Variants in TEX2 observed in about 807,000 individuals in gnomAD.
TEX2 encodes the protein testis expressed 2.
Under a neutral mutation model 106.9 loss-of-function variants are expected in TEX2, and 53 were observed. The ratio of observed to expected loss-of-function variants is 0.50; its 90% CI spans 0.40 to 0.62. The LOEUF (loss-of-function observed/expected upper bound fraction) is 0.62, where lower values mean the gene tolerates loss of function less well. Ranked by LOEUF, TEX2 falls within the 20% of genes least tolerant of loss-of-function variation. TEX2 has a pLI of 0.00. For synonymous variants in TEX2, 523 were observed against 534.8 expected (o/e 0.98, Z 0.30); for missense variants, 1,207 against 1,379.0 (o/e 0.88, Z 1.98).
chr17:64,192,411 G>C (rs1446798338), intron 4 of TEX2, among the ~76,000 whole-genome samples: 1 of 152,194 alleles, frequency 6.6e-6, no homozygotes, highest in Non-Finnish European at 1.5e-5. Context: ...TGCGGCTGCG[G>C]GCCAAGTATT....
chr17:64,218,455 G>A (rs1471914108), intron 1 of TEX2, among the ~76,000 whole-genome samples: 2 of 125,800 alleles, frequency 1.6e-5, no homozygotes, highest in Non-Finnish European at 3.1e-5. Flanking sequence ...GTCTTGCTCT[G>A]TCACCCAGCC....
Position 64,194,951 on chromosome 17 carries a change from G to A in TEX2, c.1789C>T (p.Pro597Ser), listed in dbSNP as rs1598165163. The change falls in exon 3 of 12, where the codon CCC becomes TCC. Residue 597 changes from proline (P) to serine (S), a missense_variant. Pro to Ser is a moderately conservative substitution (Grantham distance 74, BLOSUM62 -1). This residue lies in a region of TEX2 where 1,067 missense variants were observed against 1,193.6 expected (regional missense o/e 0.89). Coordinates refer to ENST00000584379, the MANE Select transcript of TEX2 (RefSeq NM_001288732.2). The part of the protein sequence containing the change: ...NISRRASYNE[P>S]KPEVTYISQK... ...CTGATGTAGGTGACCTCTGGCTTGG[G>A]TTCATTGTAGCTGGCCCTCCTGGAT... The A allele has an allele frequency of 1.2e-6, 2 of 1,614,154 alleles. No individual in the cohort carries two copies. Among genetic ancestry groups the A allele is most frequent in the South Asian group, 2.2e-5 (2 of 91,082 alleles).
chr17:64,194,783 C>A, intron 3 of TEX2, 112 bp downstream of exon 3: 1 of 941,462 alleles, frequency 1.1e-6, no homozygotes, highest in Non-Finnish European at 1.7e-6. Context: ...CTAAGGTATA[C>A]TGTTCAACGA....
chr17:64,189,845 T>C (rs768964647), intron 4 of TEX2, among the ~76,000 whole-genome samples: 6 of 152,006 alleles, frequency 3.9e-5, no homozygotes, highest in Admixed American at 6.6e-5. Flanking sequence ...TAGCCTGGCA[T>C]GGTGGCCTGT....
chr17:64,247,404 T>C (rs542558761), intron 1 of TEX2, among the ~76,000 whole-genome samples: 1 of 151,888 alleles, frequency 6.6e-6, no homozygotes, highest in South Asian at 2.1e-4. Context: ...TCAAAACAAA[T>C]GGACTAAGAA....
intron 1 of TEX2, among the ~76,000 whole-genome samples, chr17:64,262,563 C>T (rs2034309752): frequency 6.6e-6 from 1 of 152,216 alleles, no homozygotes; most frequent in Admixed American, 6.5e-5. Context: ...CACACCGCCT[C>T]CCCGCAAGGC....
At position 64,148,936 on chromosome 17, in the gene TEX2, T is replaced by G; in HGVS notation, c.*33A>C. 6.2e-7 allele frequency: 1 copy of G among 1,613,310 alleles called. No homozygotes were observed. The highest frequency in any genetic ancestry group is 1.1e-5 in the South Asian group (1 of 90,996). ...CAAGAACCCCACACATCCAGCTCGA[T>G]GTCACAATATGGGGAACATCTGACA... On this transcript the variant is annotated 3_prime_UTR_variant, in exon 12 of 12. Transcript: ENST00000584379.
At chr17:64,172,166 A>C (rs953827147) in intron 6 of TEX2, among the ~76,000 whole-genome samples, 7 of 151,914 alleles carry the variant, frequency 4.6e-5, no homozygotes, top group African/African-American at 1.7e-4. Flanking sequence ...CATCCTGGCT[A>C]ACACGGTGAA....
chr17:64,176,210 A>G (rs1034470978), intron 6 of TEX2, among the ~76,000 whole-genome samples: 9 of 152,136 alleles, frequency 5.9e-5, no homozygotes, highest in Non-Finnish European at 1.3e-4. Context: ...GGAGCTGGGG[A>G]AGAAGGGACA....
chr17:64,202,497 C>T (rs1458525753), intron 2 of TEX2, among the ~76,000 whole-genome samples: 1 of 152,202 alleles, frequency 6.6e-6, no homozygotes, highest in Admixed American at 6.5e-5. Flanking sequence ...GCCATTTCCC[C>T]CCACCCAGGA....
intron 1 of TEX2, among the ~76,000 whole-genome samples, chr17:64,236,726 C>G (rs1179983797): frequency 6.6e-6 from 1 of 152,176 alleles, no homozygotes; most frequent in Non-Finnish European, 1.5e-5. Flanking sequence ...TTAAGAATAA[C>G]ACCTAGTTAA....
At position 64,195,195 on chromosome 17, in the gene TEX2, C is replaced by A; in HGVS notation, c.1645-100G>T. ...TGGTATTTGGGACACTGAAACCAAA[C>A]TTGATCACGACACAGATATCAGCTC... is the stretch of plus-strand genomic sequence containing the variant. On this transcript the variant is annotated intron_variant, in intron 2 of 11. Transcript: ENST00000584379. This position sits in a 1 kb window ranked among gnomAD's most constrained non-coding sequence, Gnocchi z 4.1. 9.4e-7 allele frequency: 1 copy of A among 1,066,912 alleles called. No individual in the cohort carries two copies. Among genetic ancestry groups the A allele is most frequent in the Non-Finnish European group, 1.4e-6 (1 of 714,424 alleles). 66.1% of individuals were successfully genotyped at this position (1,066,912 alleles called of 1,614,324 possible). A position where few individuals can be genotyped will look rare whatever the true frequency, so the allele number is the denominator to read the frequency against.
At chr17:64,202,985 G>A (rs538871399) in intron 2 of TEX2, among the ~76,000 whole-genome samples, 6 of 152,296 alleles carry the variant, frequency 3.9e-5, no homozygotes, top group South Asian at 4.1e-4. Context: ...TAGAAGCCAC[G>A]TATGGCTGAA....
intron 1 of TEX2, among the ~76,000 whole-genome samples, chr17:64,259,985 T>G (rs1216444561): frequency 6.6e-6 from 1 of 152,216 alleles, no homozygotes; most frequent in East Asian, 1.9e-4. Flanking sequence ...TTTCCCACTT[T>G]ACAAAGAAAC....
At chr17:64,200,092 CAG>C (rs2032608999) in intron 2 of TEX2, among the ~76,000 whole-genome samples, 2 of 152,162 alleles carry the variant, frequency 1.3e-5, no homozygotes, top group Non-Finnish European at 2.9e-5. Flanking sequence ...ATTAAAAACT[CAG>C]AAATATTAAT....
intron 1 of TEX2, among the ~76,000 whole-genome samples, chr17:64,223,058 A>G (rs539787590): frequency 6.6e-6 from 1 of 152,320 alleles, no homozygotes; most frequent in East Asian, 1.9e-4. Flanking sequence ...GAATTTATGT[A>G]GGATTCTGTT....
At position 64,175,695 on chromosome 17, in the gene TEX2, G is replaced by C. The variant is rs78042970; in HGVS notation, c.2571+1630C>G. ...GGGTTCAAGTCATCCTCTTGCCTCT[G>C]CAACCCAAGTATCTGGGACCACAGG... On this transcript the variant is annotated intron_variant, in intron 6 of 11. Transcript: ENST00000584379. Among the ~76,000 whole-genome samples the C allele has an allele frequency of 2.8e-3, 426 of 152,310 alleles. 1 individual carries two copies. Among genetic ancestry groups the C allele is most frequent in the African/African-American group, 9.7e-3 (403 of 41,556 alleles).
chr17:64,236,484 A>G (rs1273184996), intron 1 of TEX2, among the ~76,000 whole-genome samples: 4 of 152,190 alleles, frequency 2.6e-5, no homozygotes, highest in Non-Finnish European at 5.9e-5. Flanking sequence ...GGATCACCTG[A>G]GCCCAGGTTG....
At chr17:64,201,721 TC>T (rs1555630110) in intron 2 of TEX2, among the ~76,000 whole-genome samples, 1 of 152,108 alleles carries the variant, frequency 6.6e-6, no homozygotes, top group Non-Finnish European at 1.5e-5. Context: ...CTAGGAAGCC[TC>T]CCTCCTCACC....
Sources: allele counts gnomAD v4.1 joint callset (sites outside exome capture counted in the v4.1 genomes callset), GRCh38; gene constraint gnomAD v4.1.1; regional missense constraint gnomAD v4.1.1; non-coding constraint Gnocchi (gnomAD v3.1); transcripts MANE v1.5; gene names NCBI Gene and HGNC (gene_info 2026-07-23, HGNC 2026-07-21).